Variants in EBF2 observed in about 807,000 individuals in gnomAD.
EBF2 encodes the protein transcription factor COE2.
Under a neutral mutation model 72.8 loss-of-function variants are expected in EBF2, and 21 were observed. The observed-to-expected ratio is 0.29, with a 90% CI of 0.20 to 0.42. The LOEUF (loss-of-function observed/expected upper bound fraction) is 0.42. Among genes scored for constraint, EBF2 ranks in the 10% least tolerant of loss-of-function variants. EBF2 has a pLI of 1.00. For synonymous variants in EBF2, 299 were observed against 274.2 expected (o/e 1.09, Z -0.89); for missense variants, 637 against 731.2 (o/e 0.87, Z 1.49).
intron 6 of EBF2, among the ~76,000 whole-genome samples, chr8:26,004,504 G>A (rs554840461): frequency 1.2e-4 from 18 of 151,806 alleles, no homozygotes; most frequent in Admixed American, 2.6e-4. Context: ...GTGAAACCCC[G>A]TCTCTACTAA....
At chr8:25,975,221 A>G (rs1804249854) in intron 6 of EBF2, among the ~76,000 whole-genome samples, 1 of 152,184 alleles carries the variant, frequency 6.6e-6, no homozygotes. Context: ...AGCAGGGACT[A>G]CAGGGGAAAA....
intron 15 of EBF2, among the ~76,000 whole-genome samples, chr8:25,849,870 T>C (rs1181205434): frequency 6.6e-6 from 1 of 152,204 alleles, no homozygotes; most frequent in Non-Finnish European, 1.5e-5. Flanking sequence ...AACTTGTTGG[T>C]TGCTCCTGCT....
At chr8:25,979,992 A>G (rs1804333666) in intron 6 of EBF2, among the ~76,000 whole-genome samples, 1 of 152,178 alleles carries the variant, frequency 6.6e-6, no homozygotes, top group African/African-American at 2.4e-5. Flanking sequence ...GAAAAATGAA[A>G]AGGAAAAAAA....
Position 25,852,308 on chromosome 8 carries a change from G to GA in EBF2, c.1529-1548dup, listed in dbSNP as rs369731256. 8.7e-3 allele frequency among the ~76,000 whole-genome samples: 1,315 copies of GA among 151,888 alleles called. 17 individuals carry two copies. The highest frequency in any genetic ancestry group is 0.03 in the African/African-American group (1,251 of 41,428). On this transcript the variant is annotated intron_variant, in intron 14 of 15. Coordinates refer to ENST00000520164, the MANE Select transcript of EBF2 (RefSeq NM_022659.4). ...CCTTGGGTTTGGCATTAGTGAAATAGAAAAAATCCAAAAGCAAAAAATCCC... is the reference window on the plus strand; with the variant it reads ...CCTTGGGTTTGGCATTAGTGAAATAGAAAAAAATCCAAAAGCAAAAAATCCC...
At chr8:26,010,399 G>A (rs1224983556) in intron 6 of EBF2, among the ~76,000 whole-genome samples, 1 of 152,210 alleles carries the variant, frequency 6.6e-6, no homozygotes, top group East Asian at 1.9e-4. Context: ...ACAACACACA[G>A]ATTTATTTCA....
intron 10 of EBF2, among the ~76,000 whole-genome samples, chr8:25,871,482 C>T (rs776641727): frequency 2.0e-5 from 3 of 152,138 alleles, no homozygotes; most frequent in Non-Finnish European, 4.4e-5. Flanking sequence ...AGTAATATAA[C>T]ATTAAGGTAA....
chr8:25,905,189 G>C (rs529432864), intron 7 of EBF2, among the ~76,000 whole-genome samples: 1 of 152,190 alleles, frequency 6.6e-6, no homozygotes, highest in East Asian at 1.9e-4. Flanking sequence ...TTTTAAAACA[G>C]AAAATCCCAA....
intron 11 of EBF2, 38 bp downstream of exon 11, chr8:25,862,671 A>G (rs746436977): frequency 6.6e-7 from 1 of 1,510,720 alleles, no homozygotes; most frequent in Non-Finnish European, 9.0e-7. Context: ...GAAATTCTAC[A>G]CAAATGGCTT....
chr8:25,953,183 C>G (rs1253648802), intron 6 of EBF2, among the ~76,000 whole-genome samples: 1 of 152,208 alleles, frequency 6.6e-6, no homozygotes, highest in African/African-American at 2.4e-5. Flanking sequence ...CATTTCTTGA[C>G]CATGGCGAGT....
At chr8:26,014,842 A>G (rs565361296) in intron 6 of EBF2, among the ~76,000 whole-genome samples, 2 of 152,382 alleles carry the variant, frequency 1.3e-5, no homozygotes, top group South Asian at 2.1e-4. Context: ...GAAGAAAAAC[A>G]GTGATCCTAA....
intron 14 of EBF2, chr8:25,858,006 G>C (rs917747717): frequency 1.0e-5 from 5 of 490,294 alleles, no homozygotes; most frequent in African/African-American, 9.7e-5. Flanking sequence ...AAGTGCCTAA[G>C]AGCACACATA....
intron 14 of EBF2, among the ~76,000 whole-genome samples, chr8:25,852,214 A>T (rs1801994929): frequency 6.6e-6 from 1 of 152,208 alleles, no homozygotes; most frequent in South Asian, 2.1e-4. Context: ...GCTAATTCAC[A>T]TAATAAGGAC....
intron 5 of EBF2, among the ~76,000 whole-genome samples, chr8:26,038,491 A>G (rs555137916): frequency 6.6e-6 from 1 of 152,354 alleles, no homozygotes; most frequent in South Asian, 2.1e-4. Context: ...AATGATAGGT[A>G]TAATTCATTA....
In EBF2 at chr8:26,033,774, A is replaced by C. The variant is rs1176463358; in HGVS notation, c.483-621T>G. On this transcript the variant is annotated intron_variant, in intron 5 of 15. Coordinates refer to ENST00000520164, the MANE Select transcript of EBF2 (RefSeq NM_022659.4). ...AATAAAAGTTGAAGAAAAAAAAATG[A>C]ATCTGTCTAAGGTAGCTTCCCAACT... 2.9e-4 allele frequency among the ~76,000 whole-genome samples: 44 copies of C among 149,732 alleles called. 1 individual carries two copies. The Admixed American group carries it at 2.9e-3, about 10-fold the overall frequency.
At chr8:25,906,627 C>T (rs553021345) in intron 7 of EBF2, among the ~76,000 whole-genome samples, 4 of 152,082 alleles carry the variant, frequency 2.6e-5, no homozygotes, top group South Asian at 2.1e-4. Flanking sequence ...ATTAGCCAGG[C>T]GTGGTGGCAT....
chr8:25,883,506 C>T (rs1802637082), intron 10 of EBF2, among the ~76,000 whole-genome samples: 1 of 151,324 alleles, frequency 6.6e-6, no homozygotes, highest in Non-Finnish European at 1.5e-5. Flanking sequence ...GTGTTTAGAG[C>T]ACGTGTTTGT....
chr8:25,907,015 C>T (rs1018249110), intron 7 of EBF2, among the ~76,000 whole-genome samples: 10 of 152,018 alleles, frequency 6.6e-5, no homozygotes, highest in African/African-American at 2.4e-4. Flanking sequence ...TTGAATGGCT[C>T]TGCTCCTAAA....
intron 6 of EBF2, among the ~76,000 whole-genome samples, chr8:25,976,968 G>A (rs1317859398): frequency 6.6e-6 from 1 of 152,230 alleles, no homozygotes; most frequent in Non-Finnish European, 1.5e-5. Flanking sequence ...GCAGCTCCCA[G>A]TGAATTTACC....
chr8:25,887,251 C>T (rs1802705475), intron 9 of EBF2, among the ~76,000 whole-genome samples: 1 of 152,016 alleles, frequency 6.6e-6, no homozygotes, highest in African/African-American at 2.4e-5. Context: ...GCTGCCAACC[C>T]CACCCTCACC....
Sources: gnomAD v4.1 joint callset for allele counts (sites outside exome capture counted in the v4.1 genomes callset) on GRCh38, gnomAD v4.1.1 for gene constraint, MANE v1.5 for transcripts, NCBI Gene and HGNC (gene_info 2026-07-23, HGNC 2026-07-21) for gene names.